Variants in AVL9 observed in about 807,000 individuals in gnomAD.
AVL9 encodes AVL9 cell migration associated.
AVL9 carries 49 observed loss-of-function variants against 79.2 expected under a neutral mutation model. That is an observed-to-expected ratio of 0.62 (90% CI 0.49 to 0.79). The LOEUF (loss-of-function observed/expected upper bound fraction) is 0.79. Among genes scored for constraint, AVL9 ranks in the 30% least tolerant of loss-of-function variants. AVL9 has a pLI of 0.00. For missense variants in AVL9, 682 were observed against 776.8 expected, an observed-to-expected ratio of 0.88 and a Z score of 1.45; for synonymous variants, 299 against 280.6, an observed-to-expected ratio of 1.07 and a Z score of -0.65.
Position 32,576,014 on chromosome 7 carries a change from C to T in AVL9, c.1630C>T (p.His544Tyr). ...TTTTGTTACAGCATGGAAGAATACT[C>T]ACAACTACAGGGTGTGGAACAGCAA... The part of the protein sequence containing the change: ...TTFVTAWKNT[H>Y]NYRVWNSNKH... Residue 544 changes from histidine to tyrosine, a missense_variant, in exon 13 of 16, where the codon CAC becomes TAC. Physicochemically the swap from His to Tyr is moderately conservative, Grantham distance 83. Coordinates refer to ENST00000318709, the MANE Select transcript of AVL9 (RefSeq NM_015060.3). The T allele has an allele frequency of 6.2e-7, 1 of 1,614,062 alleles. No individual in the cohort carries two copies. The highest frequency in any genetic ancestry group is 8.5e-7 in the Non-Finnish European group (1 of 1,179,970).
At chr7:32,532,024 T>G (rs1324766981) in intron 1 of AVL9, 1 of 152,202 alleles carries the variant, frequency 6.6e-6, no homozygotes, top group Non-Finnish European at 1.5e-5. Context: ...TTGTCCAGCG[T>G]CCAGGAAAAA....
At chr7:32,499,887 G>T (rs1787038851) in intron 1 of AVL9, among the ~76,000 whole-genome samples, 1 of 152,044 alleles carries the variant, frequency 6.6e-6, no homozygotes, top group South Asian at 2.1e-4. Context: ...GAGAATGATG[G>T]TTTCCAGCTT....
intron 4 of AVL9, among the ~76,000 whole-genome samples, chr7:32,549,757 TAAA>T (rs1217299251): frequency 9.9e-6 from 1 of 100,604 alleles, no homozygotes; most frequent in Non-Finnish European, 2.1e-5. Flanking sequence ...TACTAAAAAT[TAAA>T]AAAAAAAAAA....
intron 1 of AVL9, among the ~76,000 whole-genome samples, chr7:32,505,994 C>T (rs7796886): frequency 0.011 from 1,720 of 152,206 alleles, 35 homozygotes; most frequent in African/African-American, 0.038. Context: ...AACATAATCT[C>T]TGCTTGTTAT....
At chr7:32,505,533 AAAG>A (rs1489649863) in intron 1 of AVL9, among the ~76,000 whole-genome samples, 1 of 152,080 alleles carries the variant, frequency 6.6e-6, no homozygotes, top group African/African-American at 2.4e-5. Context: ...CAAAAAAAAA[AAAG>A]AAAGAAAGAA....
At chr7:32,550,070 A>G (rs552135552) in intron 4 of AVL9, among the ~76,000 whole-genome samples, 2 of 152,178 alleles carry the variant, frequency 1.3e-5, no homozygotes, top group Admixed American at 6.5e-5. Flanking sequence ...TAGCTTTTTT[A>G]TACTGGACCA....
rs912984645 is a variant in AVL9, at chr7:32,588,003, A to G, written c.*4096A>G. On this transcript the variant is annotated 3_prime_UTR_variant, in exon 16 of 16. Coordinates refer to ENST00000318709, the MANE Select transcript of AVL9 (RefSeq NM_015060.3). ...ATTGTGCATGTCTGAGGGGTTGAAT[A>G]TATTTTGTAAAACTCTAAATACATT... 2 of 152,186 alleles carry G rather than the reference A, an allele frequency of 1.3e-5. No individual in the cohort carries two copies. Among genetic ancestry groups the G allele is most frequent in the African/African-American group, 2.4e-5 (1 of 41,436 alleles). The allele number at this position is 152,186 out of a possible 1,614,324, so 9.4% of individuals were successfully genotyped here. A position where few individuals can be genotyped will look rare whatever the true frequency, so the allele number is the denominator to read the frequency against.
At chr7:32,530,503 A>G (rs1192733011) in intron 1 of AVL9, among the ~76,000 whole-genome samples, 2 of 152,254 alleles carry the variant, frequency 1.3e-5, no homozygotes, top group Non-Finnish European at 2.9e-5. Context: ...AATGCTATTT[A>G]TTCTCATATC....
intron 1 of AVL9, among the ~76,000 whole-genome samples, chr7:32,518,681 G>A (rs1788010149): frequency 6.6e-6 from 1 of 152,080 alleles, no homozygotes. Context: ...AAATGACAGG[G>A]TTGTTTAAGA....
At chr7:32,582,465 A>C (rs1791556237) in intron 15 of AVL9, among the ~76,000 whole-genome samples, 1 of 152,238 alleles carries the variant, frequency 6.6e-6, no homozygotes, top group African/African-American at 2.4e-5. Flanking sequence ...TTTAGCACAC[A>C]AACATTTATT....
chr7:32,578,877 T>C (rs1791220504), intron 13 of AVL9, among the ~76,000 whole-genome samples: 1 of 152,094 alleles, frequency 6.6e-6, no homozygotes, highest in Non-Finnish European at 1.5e-5. Flanking sequence ...AAACTAATTA[T>C]AACTTTTGAG....
chr7:32,583,971 C>T lies in AVL9; in HGVS notation c.*64C>T, dbSNP rs748723825. Reference sequence around the variant, plus strand: ...AGTGTCCCCTGTCTGTCTGCTGCTCCCAGGCTGTTACTAGCCACAGATCCA... The same window carrying T: ...AGTGTCCCCTGTCTGTCTGCTGCTCTCAGGCTGTTACTAGCCACAGATCCA... On this transcript the variant is annotated 3_prime_UTR_variant, in exon 16 of 16. Coordinates refer to ENST00000318709, the MANE Select transcript of AVL9 (RefSeq NM_015060.3). 13 of 1,196,804 alleles carry T rather than the reference C, an allele frequency of 1.1e-5. No individual in the cohort carries two copies. In the East Asian group the frequency reaches 3.1e-4, roughly 28 times the overall value. The allele number at this position is 1,196,804 out of a possible 1,614,324, so 74.1% of individuals were successfully genotyped here. A position where few individuals can be genotyped will look rare whatever the true frequency, so the allele number is the denominator to read the frequency against.
At chr7:32,580,041 T>A (rs6462383) in intron 13 of AVL9, among the ~76,000 whole-genome samples, 178 bp from the exon 14 acceptor site, 76,484 of 151,868 alleles carry the variant, frequency 0.5, 20,953 homozygotes, top group Admixed American at 0.65. Context: ...TAATCTTTTC[T>A]GGATGTCGTC....
intron 1 of AVL9, among the ~76,000 whole-genome samples, chr7:32,515,285 A>G (rs1787859527): frequency 1.3e-5 from 2 of 152,194 alleles, no homozygotes; most frequent in African/African-American, 4.8e-5. Context: ...AACCGATGAA[A>G]GAGACTCTGA....
At chr7:32,581,472 AT>A (rs891564601) in intron 15 of AVL9, 1 of 152,206 alleles carries the variant, frequency 6.6e-6, no homozygotes, top group African/African-American at 2.4e-5. Flanking sequence ...AAATATACAA[AT>A]TTTTTTAAAG....
At position 32,580,814 on chromosome 7, in the gene AVL9, T is replaced by C. The variant is rs775281679; in HGVS notation, c.1755T>C (p.Asn585=). The C allele has an allele frequency of 1.2e-6, 2 of 1,613,548 alleles. No homozygotes were observed. Among genetic ancestry groups the C allele is most frequent in the Non-Finnish European group, 1.7e-6 (2 of 1,179,600 alleles). ...ATCTTTTACCCAGTTCTGTTCAGAA[T>C]AGTGAACGTGGCAAAAAAATTGGAA... ...MKLRFSHSVQ[N]SERGKKIGNV... is the part of the protein sequence containing the mutation. The change falls in exon 15 of 16, where the codon AAT becomes AAC. Residue 585 remains asparagine, a synonymous_variant. Transcript: ENST00000318709.
intron 13 of AVL9, among the ~76,000 whole-genome samples, chr7:32,578,990 CAG>C (rs1208399909): frequency 3.3e-5 from 5 of 151,876 alleles, no homozygotes; most frequent in African/African-American, 1.2e-4. Flanking sequence ...GCCAGGAACA[CAG>C]AGAATGATCA....
At chr7:32,513,112 G>A (rs1306639741) in intron 1 of AVL9, among the ~76,000 whole-genome samples, 2 of 152,100 alleles carry the variant, frequency 1.3e-5, no homozygotes, top group African/African-American at 2.4e-5. Context: ...AGACAGATTT[G>A]AGCTGGACTC....
chr7:32,526,440 G>A (rs1477068509), intron 1 of AVL9, among the ~76,000 whole-genome samples: 3 of 152,126 alleles, frequency 2.0e-5, no homozygotes, highest in Admixed American at 6.6e-5. Flanking sequence ...ATATCAAAAC[G>A]AAATAAGTGG....
Sources: allele counts gnomAD v4.1 joint callset (sites outside exome capture counted in the v4.1 genomes callset), GRCh38; gene constraint gnomAD v4.1.1; transcripts MANE v1.5; gene names NCBI Gene and HGNC (gene_info 2026-07-23, HGNC 2026-07-21).